UBLCP1: variants seen among roughly 807,000 people sequenced by gnomAD.
UBLCP1 encodes ubiquitin-like domain-containing CTD phosphatase 1.
UBLCP1 carries 28 observed loss-of-function variants against 42.4 expected under a neutral mutation model. The ratio of observed to expected loss-of-function variants is 0.66; its 90% CI spans 0.49 to 0.90. The LOEUF is 0.90. UBLCP1 is among the 40% of genes least tolerant of loss of function. The pLI, the probability that UBLCP1 is intolerant of heterozygous loss-of-function variation, is 0.00. For missense variants in UBLCP1, 279 were observed against 374.5 expected, an observed-to-expected ratio of 0.75 and a Z score of 2.10; for synonymous variants, 122 against 120.8, an observed-to-expected ratio of 1.01 and a Z score of -0.07.
Position 159,284,935 on chromosome 5 carries a change from C to A in UBLCP1, c.*4C>A. On this transcript the variant is annotated 3_prime_UTR_variant, in exon 11 of 11. Transcript: ENST00000296786. ...CTCAAAGAAGCAAGGACAGTAGTTA[C>A]AAGTTATACTGGCAGTTATTGAAGA... The A allele has an allele frequency of 6.2e-7, 1 of 1,612,464 alleles. No homozygotes were observed. The highest frequency in any genetic ancestry group is 1.1e-5 in the South Asian group (1 of 91,038).
intron 1 of UBLCP1, among the ~76,000 whole-genome samples, chr5:159,265,825 G>A (rs1354723466): frequency 7.2e-5 from 11 of 152,098 alleles, no homozygotes; most frequent in South Asian, 6.2e-4. Flanking sequence ...GATTACAGGC[G>A]CCCACCACCA....
chr5:159,280,499 C>T (rs1426821332), intron 9 of UBLCP1, among the ~76,000 whole-genome samples: 15 of 152,156 alleles, frequency 9.9e-5, no homozygotes, highest in East Asian at 5.8e-4. Context: ...GACAAGGTTT[C>T]GCCATGTTGC....
intron 5 of UBLCP1, among the ~76,000 whole-genome samples, chr5:159,271,759 T>A (rs1315285754): frequency 1.3e-5 from 2 of 152,108 alleles, no homozygotes; most frequent in African/African-American, 4.8e-5. Flanking sequence ...GAGAAAAAAA[T>A]TTTCAGTTTA....
intron 5 of UBLCP1, 49 bp downstream of exon 5, chr5:159,270,692 T>G (rs780776738): frequency 1.6e-6 from 2 of 1,213,078 alleles, no homozygotes; most frequent in Non-Finnish European, 2.3e-6. Context: ...ACAACAACTC[T>G]TTTTTTCTTT....
Position 159,270,506 on chromosome 5 carries a change from CTAAT to C in UBLCP1, c.333-19_333-16del, listed in dbSNP as rs1753450490. The stretch of plus-strand genomic sequence containing the variant: ...ATGTGAGAACAAGTGAATATTTTAT[CTAAT>C]TATATGTTTTCCATTAGGGAAGAAA... On this transcript the variant is annotated intron_variant, in intron 4 of 10. Transcript: ENST00000296786. The C allele has an allele frequency of 6.2e-7, 1 of 1,605,248 alleles. No homozygotes were observed. The highest frequency in any genetic ancestry group is 8.5e-7 in the Non-Finnish European group (1 of 1,174,762).
At chr5:159,264,702 C>G (rs769076718) in intron 1 of UBLCP1, among the ~76,000 whole-genome samples, 1 of 152,172 alleles carries the variant, frequency 6.6e-6, no homozygotes, top group Non-Finnish European at 1.5e-5. Context: ...GAGGACTGAC[C>G]TTGTTAAAAC....
chr5:159,267,534 A>G (rs1753414377), intron 1 of UBLCP1, among the ~76,000 whole-genome samples: 1 of 151,980 alleles, frequency 6.6e-6, no homozygotes, highest in African/African-American at 2.4e-5. Context: ...ACTTTGGGGG[A>G]CTGTTGGGAA....
chr5:159,266,907 A>C (rs1489510366), intron 1 of UBLCP1, among the ~76,000 whole-genome samples: 1 of 152,182 alleles, frequency 6.6e-6, no homozygotes, highest in Non-Finnish European at 1.5e-5. Context: ...ATTTCAGAAG[A>C]TATATGGAAA....
In UBLCP1 at chr5:159,278,921, A is replaced by C. The variant is rs146373823; in HGVS notation, c.801+567A>C. 1.3e-3 allele frequency among the ~76,000 whole-genome samples: 196 copies of C among 152,326 alleles called. 1 individual carries two copies. The highest frequency in any genetic ancestry group is 1.6e-3 in the Non-Finnish European group (112 of 68,028). On this transcript the variant is annotated intron_variant, in intron 9 of 10. Coordinates refer to ENST00000296786, the MANE Select transcript of UBLCP1 (RefSeq NM_145049.5). ...CTGTGGGAGCAACATGGGCTTCCCA[A>C]CATTGACTTTTAGCATCCAAAGTGA...
intron 9 of UBLCP1, among the ~76,000 whole-genome samples, chr5:159,281,829 G>A (rs1430303262): frequency 6.7e-6 from 1 of 150,000 alleles, no homozygotes; most frequent in Non-Finnish European, 1.5e-5. Context: ...TCATTTTTCA[G>A]TGTTAACTGT....
chr5:159,271,979 C>T, intron 5 of UBLCP1, 44 bp from the exon 6 acceptor site: 1 of 1,393,678 alleles, frequency 7.2e-7, no homozygotes, highest in Non-Finnish European at 1.0e-6. Context: ...GGTACTTGTT[C>T]ATGATGGTAA....
intron 2 of UBLCP1, among the ~76,000 whole-genome samples, chr5:159,269,486 A>G (rs753722154): frequency 6.6e-6 from 1 of 152,226 alleles, no homozygotes; most frequent in Non-Finnish European, 1.5e-5. Context: ...CAGCATTCAT[A>G]TCCAGTTTAA....
Position 159,274,623 on chromosome 5 carries a change from G to A in UBLCP1, c.585+1G>A. On this transcript the variant is annotated splice_donor_variant, in intron 7 of 10. Coordinates refer to ENST00000296786, the MANE Select transcript of UBLCP1 (RefSeq NM_145049.5). LOFTEE classifies it high-confidence loss of function. ...GAAGTGGATTGAAGCTAAAATGAAA[G>A]TAAGTGTTAGAAAGCAATCCATTTA... 6.2e-7 allele frequency: 1 copy of A among 1,609,772 alleles called. No individual in the cohort carries two copies. The highest frequency in any genetic ancestry group is 8.5e-7 in the Non-Finnish European group (1 of 1,177,666).
At chr5:159,271,979 C>G (rs1414987687) in intron 5 of UBLCP1, 44 bp from the exon 6 acceptor site, 2 of 1,393,680 alleles carry the variant, frequency 1.4e-6, no homozygotes. Context: ...GGTACTTGTT[C>G]ATGATGGTAA....
intron 9 of UBLCP1, among the ~76,000 whole-genome samples, 175 bp downstream of exon 9, chr5:159,278,529 G>A (rs1389998396): frequency 6.6e-6 from 1 of 151,952 alleles, no homozygotes; most frequent in Non-Finnish European, 1.5e-5. Flanking sequence ...TTTTTGCATT[G>A]ATGTCTCCAT....
chr5:159,274,962 T>C (rs1262821367), intron 7 of UBLCP1, among the ~76,000 whole-genome samples, 186 bp from the exon 8 acceptor site: 3 of 152,208 alleles, frequency 2.0e-5, no homozygotes, highest in Non-Finnish European at 4.4e-5. Flanking sequence ...TCTATTTCTA[T>C]TTTCCTTGGT....
intron 7 of UBLCP1, among the ~76,000 whole-genome samples, 163 bp from the exon 8 acceptor site, chr5:159,274,985 G>T (rs1466461062): frequency 6.6e-6 from 1 of 152,094 alleles, no homozygotes; most frequent in Non-Finnish European, 1.5e-5. Context: ...ACCATTTATT[G>T]ACTTGGCTAA....
chr5:159,284,211 A>G (rs4921209), intron 10 of UBLCP1, among the ~76,000 whole-genome samples: 39,853 of 152,030 alleles, frequency 0.26, 5,912 homozygotes, highest in South Asian at 0.32. Flanking sequence ...TGGAGATAGT[A>G]AATACTTAGT....
intron 1 of UBLCP1, 128 bp downstream of exon 1, chr5:159,263,488 C>T (rs1032881347): frequency 2.6e-5 from 4 of 152,426 alleles, no homozygotes; most frequent in African/African-American, 9.6e-5. Flanking sequence ...CTGTCCTAGT[C>T]TGACGCCCAG....
Sources: gnomAD v4.1 joint callset for allele counts (sites outside exome capture counted in the v4.1 genomes callset) on GRCh38, gnomAD v4.1.1 for gene constraint, MANE v1.5 for transcripts, NCBI Gene and HGNC (gene_info 2026-07-23, HGNC 2026-07-21) for gene names.